The following CACNG5 variants were observed in gnomAD, a reference collection of about 807,000 sequenced individuals.
The protein encoded by CACNG5 is calcium voltage-gated channel auxiliary subunit gamma 5.
Under a neutral mutation model 24.8 loss-of-function variants are expected in CACNG5, and 18 were observed. The observed-to-expected ratio is 0.73, with a 90% CI of 0.50 to 1.08. CACNG5 has a LOEUF of 1.08. CACNG5 is among the 50% of genes least tolerant of loss of function. The pLI is 0.00. For synonymous variants in CACNG5, 157 were observed against 149.1 expected (o/e 1.05, Z -0.39); for missense variants, 349 against 367.9 (o/e 0.95, Z 0.42).
In CACNG5 at chr17:66,891,155, A is replaced by G. The variant is rs1044004096; in HGVS notation, c.*5915A>G. Among the ~76,000 whole-genome samples the G allele has an allele frequency of 2.0e-5, 3 of 152,096 alleles. No individual in the cohort carries two copies. Among genetic ancestry groups the G allele is most frequent in the Non-Finnish European group, 4.4e-5 (3 of 67,994 alleles). On this transcript the variant is annotated 3_prime_UTR_variant, in exon 6 of 6. Coordinates refer to ENST00000533854, the MANE Select transcript of CACNG5 (RefSeq NM_145811.3). ...GTGGTCTTTTTCTCTATGTTTTTCT[A>G]AGGAATAAAGACAACTTTCCCAGAA... is the stretch of plus-strand genomic sequence containing the variant.
chr17:66,862,892 C>CTCTCTGTGTGTGTGTGTGTGTGTGTG (rs567913804), intron 1 of CACNG5, among the ~76,000 whole-genome samples: 2 of 142,260 alleles, frequency 1.4e-5, no homozygotes, highest in African/African-American at 5.3e-5. Context: ...AGCATATTCT[C>CTCTCTGTGTGTGTGTGTGTGTGTGTG]TGTGTGTGTG....
intron 1 of CACNG5, among the ~76,000 whole-genome samples, chr17:66,854,579 A>G (rs760008189): frequency 2.0e-5 from 3 of 151,786 alleles, no homozygotes; most frequent in Admixed American, 6.6e-5. Context: ...CTGTAATCCT[A>G]GCTACTCAGG....
intron 1 of CACNG5, among the ~76,000 whole-genome samples, chr17:66,850,498 G>A (rs1469333164): frequency 6.6e-6 from 1 of 151,956 alleles, no homozygotes; most frequent in Admixed American, 6.6e-5. Flanking sequence ...CCTCTTCCAT[G>A]AAATGCTCTG....
chr17:66,849,297 C>T (rs1044530058), intron 1 of CACNG5, among the ~76,000 whole-genome samples: 1 of 128,676 alleles, frequency 7.8e-6, no homozygotes, highest in Non-Finnish European at 1.7e-5. Context: ...CTGAGGCACC[C>T]GGGGTTGGGG....
In CACNG5 at chr17:66,885,409, G is replaced by C; in HGVS notation, c.*169G>C. The C allele has an allele frequency of 2.6e-6, 2 of 765,508 alleles. No homozygotes were observed. Among genetic ancestry groups the C allele is most frequent in the Non-Finnish European group, 4.1e-6 (2 of 493,354 alleles). 47.4% of individuals were successfully genotyped at this position (765,508 alleles called of 1,614,324 possible). On this transcript the variant is annotated 3_prime_UTR_variant, in exon 6 of 6. Transcript: ENST00000533854. ...CTGCTTCTCCAGAAGGGCTCTAACT[G>C]CCCCAGCATGGGTGTGGGAGTCTGG...
rs180710808 is a variant in CACNG5, at chr17:66,889,934, C to T, written c.*4694C>T. 2.6e-5 allele frequency among the ~76,000 whole-genome samples: 4 copies of T among 152,296 alleles called. No individual in the cohort carries two copies. Among genetic ancestry groups the T allele is most frequent in the Non-Finnish European group, 2.9e-5 (2 of 68,018 alleles). On this transcript the variant is annotated 3_prime_UTR_variant, in exon 6 of 6. Transcript: ENST00000533854. ...TAAGTGGAGAAAGGACAGCGGAGGC[C>T]GGGGGAGCCACATTCCACCTAAGGC...
chr17:66,867,419 C>G (rs543313239), intron 1 of CACNG5, among the ~76,000 whole-genome samples: 4 of 152,160 alleles, frequency 2.6e-5, no homozygotes, highest in Non-Finnish European at 5.9e-5. Flanking sequence ...ATTCTGTTGG[C>G]TGTCTGTTCA....
intron 4 of CACNG5, among the ~76,000 whole-genome samples, chr17:66,884,288 G>A (rs1227152306): frequency 1.3e-5 from 2 of 152,354 alleles, no homozygotes; most frequent in South Asian, 2.1e-4. Flanking sequence ...GCTTAGGAGG[G>A]CAGCTATATA....
chr17:66,849,778 C>T (rs928358946), intron 1 of CACNG5, among the ~76,000 whole-genome samples: 2 of 152,186 alleles, frequency 1.3e-5, no homozygotes, highest in African/African-American at 4.8e-5. Context: ...TTGGGTAAAA[C>T]ACTGTGAATC....
intron 1 of CACNG5, 103 bp downstream of exon 1, chr17:66,835,353 C>G (rs1461888539): frequency 6.6e-6 from 1 of 152,524 alleles, no homozygotes; most frequent in Non-Finnish European, 1.5e-5. Flanking sequence ...GGCTGCGCCC[C>G]CATGACAGCC....
intron 1 of CACNG5, among the ~76,000 whole-genome samples, chr17:66,841,324 G>A (rs1414046525): frequency 6.6e-6 from 1 of 152,174 alleles, no homozygotes; most frequent in Non-Finnish European, 1.5e-5. Flanking sequence ...GTGAGCAGAG[G>A]GATGACATTG....
chr17:66,851,892 G>A (rs1976712902), intron 1 of CACNG5, among the ~76,000 whole-genome samples: 1 of 152,226 alleles, frequency 6.6e-6, no homozygotes, highest in Admixed American at 6.5e-5. Flanking sequence ...ATTGATAATG[G>A]TTAATCTTAG....
rs759069517 is a variant in CACNG5 at position 66,877,354 on chromosome 17, G to A, written c.22G>A (p.Ala8Thr). 1.2e-6 allele frequency: 2 copies of A among 1,614,022 alleles called. No homozygotes were observed. The highest frequency in any genetic ancestry group is 1.7e-5 in the Admixed American group (1 of 60,018). Residue 8 changes from alanine (A) to threonine (T), a missense_variant, in exon 2 of 6, where the codon GCC becomes ACC. Ala to Thr is a moderately conservative substitution (Grantham distance 58, BLOSUM62 0). Coordinates refer to ENST00000533854, the MANE Select transcript of CACNG5 (RefSeq NM_145811.3). ...GAAGATGAGTGCCTGCGGGAGGAAG[G>A]CCCTGACCCTGCTGAGCAGTGTCTT... Reference protein sequence around the residue: MSACGRKALTLLSSVFAV... With the variant: MSACGRKTLTLLSSVFAV...
Position 66,885,220 on chromosome 17 carries a change from A to G in CACNG5, c.808A>G (p.Met270Val), listed in dbSNP as rs772229838. ...GCTCAAGTGCCCCGACTATGATCAG[A>G]TGTCCTCTTCACCCTGCTGAGCCTC... Reference protein sequence around the residue: ...ALLKCPDYDQMSSSPC With the variant: ...ALLKCPDYDQVSSSPC The change falls in exon 6 of 6, where the codon ATG (methionine) becomes GTG (valine). Residue 270 changes from methionine to valine, a missense_variant. By Grantham distance (21) the Met-to-Val change is conservative. Transcript: ENST00000533854. The G allele has an allele frequency of 6.3e-7, 1 of 1,595,778 alleles. No homozygotes were observed. The highest frequency in any genetic ancestry group is 2.2e-5 in the East Asian group (1 of 44,766).
Position 66,839,685 on chromosome 17 carries a change from C to T in CACNG5, c.-104+4435C>T, listed in dbSNP as rs556182593. 3.3e-3 allele frequency among the ~76,000 whole-genome samples: 492 copies of T among 149,964 alleles called. 3 individuals are homozygous for T. The highest frequency in any genetic ancestry group is 6.4e-3 in the Admixed American group (96 of 15,060). ...GGAACATGGAGGGGGGTCAGTGAGT[C>T]TGGGGGCTGGGCAGTGTGGGAGCAG... On this transcript the variant is annotated intron_variant, in intron 1 of 5. Transcript: ENST00000533854.
At chr17:66,851,452 A>T (rs1976708757) in intron 1 of CACNG5, among the ~76,000 whole-genome samples, 1 of 152,250 alleles carries the variant, frequency 6.6e-6, no homozygotes, top group African/African-American at 2.4e-5. Flanking sequence ...TTTAACCTTG[A>T]GGCAACTTAG....
At chr17:66,854,887 A>C (rs1287431008) in intron 1 of CACNG5, among the ~76,000 whole-genome samples, 2 of 152,202 alleles carry the variant, frequency 1.3e-5, no homozygotes, top group Non-Finnish European at 2.9e-5. Flanking sequence ...AAGGGAAGAG[A>C]AAAATAGCCA....
At chr17:66,870,480 A>G (rs1043274955) in intron 1 of CACNG5, among the ~76,000 whole-genome samples, 14 of 152,210 alleles carry the variant, frequency 9.2e-5, no homozygotes, top group African/African-American at 3.1e-4. Flanking sequence ...TAAGGATGCT[A>G]TAAAACAACC....
chr17:66,872,566 T>C (rs1977023869), intron 1 of CACNG5, among the ~76,000 whole-genome samples: 1 of 152,250 alleles, frequency 6.6e-6, no homozygotes, highest in South Asian at 2.1e-4. Flanking sequence ...TTCTGTGTTA[T>C]ATAATTTTCT....
Sources: allele counts gnomAD v4.1 joint callset (sites outside exome capture counted in the v4.1 genomes callset), GRCh38; gene constraint gnomAD v4.1.1; transcripts MANE v1.5; gene names NCBI Gene and HGNC (gene_info 2026-07-23, HGNC 2026-07-21).